ADAM23: variants seen among roughly 807,000 people sequenced by gnomAD.
ADAM23 encodes the protein ADAM metallopeptidase domain 23.
ADAM23 carries 33 observed loss-of-function variants against 120.1 expected under a neutral mutation model. That is an observed-to-expected ratio of 0.27 (90% CI 0.21 to 0.37). ADAM23 has a LOEUF of 0.37. Among genes scored for constraint, ADAM23 ranks in the 10% least tolerant of loss-of-function variants. ADAM23 has a pLI of 1.00. For missense variants in ADAM23, 862 were observed against 1,058.2 expected (o/e 0.81, Z 2.57); for synonymous variants, 367 against 375.2 (o/e 0.98, Z 0.25).
chr2:206,474,803 G>C (rs1182352820), intron 2 of ADAM23, among the ~76,000 whole-genome samples: 2 of 152,130 alleles, frequency 1.3e-5, no homozygotes, highest in Admixed American at 1.3e-4. Flanking sequence ...TTGAACTCCT[G>C]GCTTCAAGCG....
intron 3 of ADAM23, among the ~76,000 whole-genome samples, chr2:206,513,134 A>G (rs778738443): frequency 7.2e-5 from 11 of 152,264 alleles, no homozygotes; most frequent in South Asian, 4.1e-4. Context: ...ACCGGCCTCT[A>G]TGTGTTTAAG....
intron 9 of ADAM23, among the ~76,000 whole-genome samples, chr2:206,556,291 T>C (rs376465261): frequency 4.6e-5 from 7 of 152,276 alleles, no homozygotes; most frequent in African/African-American, 1.4e-4. Context: ...ATATATATTC[T>C]TTGTTTAAAA....
At chr2:206,582,456 A>G (rs1374902512) in intron 18 of ADAM23, among the ~76,000 whole-genome samples, 2 of 152,144 alleles carry the variant, frequency 1.3e-5, no homozygotes, top group African/African-American at 4.8e-5. Flanking sequence ...GAGTCTCCTG[A>G]AGGCAGCAGA....
chr2:206,584,507 C>A (rs909889496), intron 18 of ADAM23, among the ~76,000 whole-genome samples: 1 of 152,052 alleles, frequency 6.6e-6, no homozygotes, highest in Non-Finnish European at 1.5e-5. Context: ...CTGGCTTCCC[C>A]CACTTTCCTG....
intron 3 of ADAM23, among the ~76,000 whole-genome samples, chr2:206,498,345 C>G (rs368025702): frequency 6.6e-6 from 1 of 151,988 alleles, no homozygotes; most frequent in African/African-American, 2.4e-5. Flanking sequence ...GAAATAATGC[C>G]GCATATCTAC....
chr2:206,515,984 GT>G (rs960945301), intron 3 of ADAM23, among the ~76,000 whole-genome samples: 3 of 151,804 alleles, frequency 2.0e-5, no homozygotes, highest in Non-Finnish European at 2.9e-5. Flanking sequence ...AACATTTTGG[GT>G]TTCTTTTCCT....
Position 206,620,153 on chromosome 2 carries a change from C to G in ADAM23, c.*2526C>G, listed in dbSNP as rs1190525102. On this transcript the variant is annotated 3_prime_UTR_variant, in exon 26 of 26. Coordinates refer to ENST00000264377, the MANE Select transcript of ADAM23 (RefSeq NM_003812.4). ...AACAGAAACAAAATCATGTTGGTTA[C>G]AAAACAAATTAAATCTCTATTGTTA... is the stretch of plus-strand genomic sequence containing the variant. 6.6e-6 allele frequency: 1 copy of G among 152,142 alleles called. No individual in the cohort carries two copies. Among genetic ancestry groups the G allele is most frequent in the Non-Finnish European group, 1.5e-5 (1 of 68,016 alleles). The allele number at this position is 152,142 out of a possible 1,614,324, so 9.4% of individuals were successfully genotyped here.
At chr2:206,601,039 A>AT (rs1225535946) in intron 24 of ADAM23, among the ~76,000 whole-genome samples, 7 of 152,220 alleles carry the variant, frequency 4.6e-5, no homozygotes, top group African/African-American at 1.7e-4. Flanking sequence ...GACAGAATGT[A>AT]TTTTAACTCT....
intron 4 of ADAM23, among the ~76,000 whole-genome samples, chr2:206,536,855 G>A (rs1276552959): frequency 6.6e-6 from 1 of 151,858 alleles, no homozygotes; most frequent in Non-Finnish European, 1.5e-5. Flanking sequence ...ACAGGCACGT[G>A]CCACCACGCT....
At chr2:206,524,281 C>T (rs1193651597) in intron 3 of ADAM23, among the ~76,000 whole-genome samples, 1 of 152,186 alleles carries the variant, frequency 6.6e-6, no homozygotes, top group Non-Finnish European at 1.5e-5. Flanking sequence ...ATTTGTGCTA[C>T]TGTTTACTTA....
chr2:206,454,559 C>T (rs890016775), intron 2 of ADAM23, among the ~76,000 whole-genome samples: 1 of 152,236 alleles, frequency 6.6e-6, no homozygotes, highest in Non-Finnish European at 1.5e-5. Context: ...AGTCTTAACT[C>T]ATTCCAGTGT....
At chr2:206,579,666 G>C (rs1257959867) in intron 18 of ADAM23, among the ~76,000 whole-genome samples, 1 of 152,176 alleles carries the variant, frequency 6.6e-6, no homozygotes, top group Admixed American at 6.5e-5. Flanking sequence ...GTAATGCAAT[G>C]CCTCCAGATT....
At chr2:206,511,367 TG>T (rs1696619278) in intron 3 of ADAM23, among the ~76,000 whole-genome samples, 1 of 152,204 alleles carries the variant, frequency 6.6e-6, no homozygotes, top group Non-Finnish European at 1.5e-5. Flanking sequence ...CCTGGTTATC[TG>T]TGTTCTTTTC....
At chr2:206,605,907 G>GT in intron 24 of ADAM23, 1 of 644,358 alleles carries the variant, frequency 1.6e-6, no homozygotes, top group Non-Finnish European at 2.8e-6. Flanking sequence ...GTTTCAGAGT[G>GT]TTTCTGTGTG....
In ADAM23 at chr2:206,495,897, A is replaced by C. The variant is rs193266881; in HGVS notation, c.509+14589A>C. 4.9e-3 allele frequency among the ~76,000 whole-genome samples: 749 copies of C among 152,330 alleles called. 2 individuals are homozygous for C. The highest frequency in any genetic ancestry group is 0.014 in the Middle Eastern group (4 of 294). The stretch of plus-strand genomic sequence containing the variant: ...TTTAAACCAACAAAGATCAAAAGAG[A>C]CAAAGAAGGCCATTATGTAATGGTA... On this transcript the variant is annotated intron_variant, in intron 3 of 25. Transcript: ENST00000264377.
chr2:206,444,465 T>C (rs1166115600), intron 1 of ADAM23, among the ~76,000 whole-genome samples: 1 of 152,056 alleles, frequency 6.6e-6, no homozygotes, highest in East Asian at 1.9e-4. Context: ...GTGATAATAG[T>C]GGTAATGGGC....
chr2:206,561,091 C>T, intron 11 of ADAM23, 37 bp from the exon 12 acceptor site: 1 of 1,582,452 alleles, frequency 6.3e-7, no homozygotes, highest in Non-Finnish European at 8.7e-7. Context: ...TGATGGTCCA[C>T]CACGTTGGTT....
At chr2:206,614,278 C>T (rs375170125) in intron 25 of ADAM23, among the ~76,000 whole-genome samples, 4 of 152,308 alleles carry the variant, frequency 2.6e-5, no homozygotes, top group African/African-American at 9.6e-5. Context: ...GTCTGGCCTA[C>T]GTTCCATTTT....
chr2:206,502,434 T>A (rs1432471062), intron 3 of ADAM23, among the ~76,000 whole-genome samples: 1 of 152,174 alleles, frequency 6.6e-6, no homozygotes. Context: ...CTTTCATATG[T>A]AATACAAATG....
Sources: allele counts gnomAD v4.1 joint callset (sites outside exome capture counted in the v4.1 genomes callset), GRCh38; gene constraint gnomAD v4.1.1; transcripts MANE v1.5; gene names NCBI Gene and HGNC (gene_info 2026-07-23, HGNC 2026-07-21).